Variants in TRIP13 observed in about 807,000 individuals in gnomAD.
The protein encoded by TRIP13 is thyroid hormone receptor interactor 13, also known as pachytene checkpoint protein 2 homolog.
TRIP13 carries 25 observed loss-of-function variants against 54.4 expected under a neutral mutation model. The observed-to-expected ratio is 0.46, with a 90% CI of 0.33 to 0.64. The LOEUF is 0.64. Among genes scored for constraint, TRIP13 ranks in the 30% least tolerant of loss-of-function variants. The probability of loss-of-function intolerance (pLI) is 0.02; values close to 1 mark genes in which losing one functional copy is unlikely to be tolerated. For synonymous variants in TRIP13, 207 were observed against 207.8 expected (o/e 1.00, Z 0.03); for missense variants, 373 against 534.2 (o/e 0.70, Z 2.97).
In TRIP13 at chr5:917,395, A is replaced by C; in HGVS notation, c.*292A>C. ...ATCGAAACCTGTTTGTTCCCAGCCC[A>C]CCCCCAGTGGATGGGATGCATAATG... On this transcript the variant is annotated 3_prime_UTR_variant, in exon 13 of 13. Coordinates refer to ENST00000166345, the MANE Select transcript of TRIP13 (RefSeq NM_004237.4). 1 of 291,958 alleles carries C rather than the reference A, an allele frequency of 3.4e-6. No individual in the cohort carries two copies. The highest frequency in any genetic ancestry group is 6.4e-6 in the Non-Finnish European group (1 of 156,792). The allele number at this position is 291,958 out of a possible 1,614,324, so 18.1% of individuals were successfully genotyped here. A position where few individuals can be genotyped will look rare whatever the true frequency, so the allele number is the denominator to read the frequency against.
In TRIP13 at chr5:907,920, A is replaced by G. The variant is rs886196387; in HGVS notation, c.673-68A>G. The stretch of plus-strand genomic sequence containing the variant: ...GACAACTGGGGCAGCAGGCCACATC[A>G]GGGTCCCCCTGTGCACCTGGCAGTG... On this transcript the variant is annotated intron_variant, in intron 7 of 12. Transcript: ENST00000166345. The surrounding 1 kb of genome is among the most constrained non-coding windows in gnomAD (Gnocchi z 4.1). 6.5e-6 allele frequency: 10 copies of G among 1,536,860 alleles called. No homozygotes were observed. The African/African-American group carries it at 1.2e-4, about 19-fold the overall frequency.
chr5:910,730 C>T (rs939150476), intron 9 of TRIP13, among the ~76,000 whole-genome samples: 3 of 152,232 alleles, frequency 2.0e-5, no homozygotes, highest in Non-Finnish European at 2.9e-5. Flanking sequence ...TGTCCACTCC[C>T]GCATCTCTGG....
intron 5 of TRIP13, among the ~76,000 whole-genome samples, chr5:903,679 A>G (rs1053460354): frequency 3.9e-5 from 6 of 152,082 alleles, no homozygotes; most frequent in Non-Finnish European, 7.4e-5. Context: ...GTCTTAGGAA[A>G]GAGGGTGGTT....
At position 912,079 on chromosome 5, in the gene TRIP13, G is replaced by A. The variant is rs936304674; in HGVS notation, c.1020+83G>A. 19 of 1,489,728 alleles carry A rather than the reference G, an allele frequency of 1.3e-5. 1 individual carries two copies. Among genetic ancestry groups the A allele is most frequent in the African/African-American group, 2.8e-5 (2 of 71,240 alleles). 92.3% of individuals were successfully genotyped at this position (1,489,728 alleles called of 1,614,324 possible). On this transcript the variant is annotated intron_variant, in intron 10 of 12. Transcript: ENST00000166345. This position sits in a 1 kb window ranked among gnomAD's most constrained non-coding sequence, Gnocchi z 7.2. ...AATTAAGATAGCTTAAAATAAGCTC[G>A]TTCCAGTACGGAGGATTTCAACATA... is the stretch of plus-strand genomic sequence containing the variant.
intron 1 of TRIP13, 146 bp downstream of exon 1, chr5:893,236 G>A: frequency 2.4e-6 from 2 of 818,914 alleles, no homozygotes; most frequent in Non-Finnish European, 3.7e-6. Context: ...GGGCGCACAG[G>A]CCGCCGGGCC....
chr5:908,048 G>C lies in TRIP13; in HGVS notation c.733G>C (p.Ala245Pro). 1 of 1,614,182 alleles carries C rather than the reference G, an allele frequency of 6.2e-7. No homozygotes were observed. The highest frequency in any genetic ancestry group is 1.1e-5 in the South Asian group (1 of 91,074). Residue 245 changes from alanine (A) to proline (P), a missense_variant, in exon 8 of 13, where the codon GCC becomes CCC. By Grantham distance (27) the Ala-to-Pro change is conservative. Around this residue, in one of 4 missense-constraint regions of TRIP13, gnomAD observed 119 missense variants for 223.0 expected, o/e 0.53. Transcript: ENST00000166345. The surrounding 1 kb of genome is among the most constrained non-coding windows in gnomAD (Gnocchi z 5.2). ...KIQDLIDDKD[A>P]LVFVLIDEVE... ...TCAGGATTTGATTGATGATAAAGAC[G>C]CCCTGGTGTTCGTGCTGATTGATGA...
At position 894,930 on chromosome 5, in the gene TRIP13, A is replaced by ACACAGGTCT; in HGVS notation, c.236_237insCACAGGTCT (p.Glu79delinsAspThrGlyLeu). On this transcript the variant is annotated protein_altering_variant, in exon 2 of 13. Transcript: ENST00000166345. ...CAGTCTGTGTCTATTATTGACACAG[A>ACACAGGTCT]ATTAAAGGTTAAAGACTCACAGGTA... 1 of 1,610,398 alleles carries ACACAGGTCT rather than the reference A, an allele frequency of 6.2e-7. No homozygotes were observed. The highest frequency in any genetic ancestry group is 2.2e-5 in the East Asian group (1 of 44,860).
intron 6 of TRIP13, among the ~76,000 whole-genome samples, chr5:906,511 C>T (rs150875285): frequency 4.6e-5 from 7 of 152,096 alleles, no homozygotes; most frequent in Admixed American, 2.0e-4. Context: ...GCTTCTTGAA[C>T]GTAATTCTTT....
intron 6 of TRIP13, 66 bp downstream of exon 6, chr5:904,286 T>C (rs1228544206): frequency 3.4e-5 from 48 of 1,427,720 alleles, no homozygotes; most frequent in Non-Finnish European, 4.6e-5. Flanking sequence ...GGTTGTTTTT[T>C]TTTTTTTCTA....
chr5:895,588 A>G (rs1218021071), intron 2 of TRIP13, among the ~76,000 whole-genome samples: 1 of 152,166 alleles, frequency 6.6e-6, no homozygotes, highest in Non-Finnish European at 1.5e-5. Flanking sequence ...CTCCCCATTC[A>G]TACGTTAGGA....
intron 2 of TRIP13, among the ~76,000 whole-genome samples, chr5:895,238 T>C (rs1753889847): frequency 6.6e-6 from 1 of 152,180 alleles, no homozygotes; most frequent in Non-Finnish European, 1.5e-5. Context: ...CTGTGTGCCA[T>C]GTCTCATTCT....
At chr5:900,396 C>A in intron 3 of TRIP13, 98 bp from the exon 4 acceptor site, 2 of 1,198,032 alleles carry the variant, frequency 1.7e-6, no homozygotes, top group Non-Finnish European at 2.4e-6. Flanking sequence ...TGGAGCAGCA[C>A]AATGGGAAGC....
chr5:894,813 T>G lies in TRIP13; in HGVS notation c.119T>G (p.Leu40Arg), dbSNP rs776045410. ...SSTAKKEDIN[L>R]SVRKLLNRHN... ...ACTGCAAAGAAAGAAGACATAAACC[T>G]GAGTGTTAGAAAGCTACTCAACAGA... The change falls in exon 2 of 13, where the codon CTG (leucine) becomes CGG (arginine). Residue 40 changes from leucine to arginine, a missense_variant. By Grantham distance (102) the Leu-to-Arg change is moderately radical. Coordinates refer to ENST00000166345, the MANE Select transcript of TRIP13 (RefSeq NM_004237.4). 1.9e-6 allele frequency: 3 copies of G among 1,610,494 alleles called. No homozygotes were observed. Among genetic ancestry groups the G allele is most frequent in the Non-Finnish European group, 2.5e-6 (3 of 1,178,788 alleles).
chr5:906,863 T>C (rs1379510275), intron 6 of TRIP13, among the ~76,000 whole-genome samples: 1 of 152,246 alleles, frequency 6.6e-6, no homozygotes, highest in African/African-American at 2.4e-5. Flanking sequence ...TTTTTAAACA[T>C]AGAAATATAA....
chr5:904,279 T>G (rs1235496549), intron 6 of TRIP13, 59 bp downstream of exon 6: 3 of 1,454,016 alleles, frequency 2.1e-6, no homozygotes, highest in Non-Finnish European at 2.8e-6. Flanking sequence ...AACGGGAGGT[T>G]GTTTTTTTTT....
rs546786596 is a variant in TRIP13 at position 901,675 on chromosome 5, G to A, written c.535+244G>A. On this transcript the variant is annotated intron_variant, in intron 5 of 12. Transcript: ENST00000166345. ...CGACCAGGCTGGAGTGCAGTGGCCC[G>A]ATCTCGGCTCACTGCAACCTCCACT... Among the ~76,000 whole-genome samples the A allele has an allele frequency of 2.5e-3, 388 of 152,298 alleles. 1 individual carries two copies. The highest frequency in any genetic ancestry group is 4.5e-3 in the Non-Finnish European group (305 of 68,020).
chr5:918,296 C>T (rs537563157), downstream of TRIP13, among the ~76,000 whole-genome samples: 2 of 152,214 alleles, frequency 1.3e-5, no homozygotes, highest in Admixed American at 6.5e-5. The surrounding 1 kb of genome is among the most constrained non-coding windows in gnomAD (Gnocchi z 4.3). Flanking sequence ...ATTCAGAACC[C>T]GGAGCCACTC....
In TRIP13 at chr5:892,904, G is replaced by A; in HGVS notation, c.-95G>A. ...GCGGCAGATTCGAAGCTAGGGCGGG[G>A]CCCGCGGGCTGAGGCAGCGGCTGTG... On this transcript the variant is annotated 5_prime_UTR_variant, in exon 1 of 13. Coordinates refer to ENST00000166345, the MANE Select transcript of TRIP13 (RefSeq NM_004237.4). 2.4e-6 allele frequency: 3 copies of A among 1,249,824 alleles called. No homozygotes were observed. Among genetic ancestry groups the A allele is most frequent in the Non-Finnish European group, 3.2e-6 (3 of 949,994 alleles). The allele number at this position is 1,249,824 out of a possible 1,614,324, so 77.4% of individuals were successfully genotyped here.
Position 914,485 on chromosome 5 carries a change from C to A in TRIP13, c.1041C>A (p.Arg347=), listed in dbSNP as rs1004297108. The part of the protein sequence containing the change: ...ELMKCQIIYP[R]QQLLTLRELE... Reference sequence around the variant, plus strand: ...CCCAGTGTCAGATCATATACCCTCGCCAGCAGCTGCTGACCCTCCGAGAGC... The same window carrying A: ...CCCAGTGTCAGATCATATACCCTCGACAGCAGCTGCTGACCCTCCGAGAGC... Residue 347 remains arginine, a synonymous_variant, in exon 11 of 13, where the codon CGC becomes CGA. Coordinates refer to ENST00000166345, the MANE Select transcript of TRIP13 (RefSeq NM_004237.4). The A allele has an allele frequency of 6.8e-6, 11 of 1,613,200 alleles. No homozygotes were observed. Among genetic ancestry groups the A allele is most frequent in the Non-Finnish European group, 9.3e-6 (11 of 1,179,786 alleles).
Sources: allele counts gnomAD v4.1 joint callset (sites outside exome capture counted in the v4.1 genomes callset), GRCh38; gene constraint gnomAD v4.1.1; regional missense constraint gnomAD v4.1.1; non-coding constraint Gnocchi (gnomAD v3.1); transcripts MANE v1.5; gene names NCBI Gene and HGNC (gene_info 2026-07-23, HGNC 2026-07-21).